The following DPYD variants were observed in gnomAD, a reference collection of about 807,000 sequenced individuals.
DPYD encodes dihydropyrimidine dehydrogenase.
Under a neutral mutation model 116.2 loss-of-function variants are expected in DPYD, and 109 were observed. The observed-to-expected ratio is 0.94, with a 90% confidence interval of 0.80 to 1.10. The LOEUF (loss-of-function observed/expected upper bound fraction) is 1.10. DPYD is among the 50% of genes least tolerant of loss of function. The probability of loss-of-function intolerance (pLI) is 0.00; values close to 1 mark genes in which losing one functional copy is unlikely to be tolerated. For missense variants in DPYD, 1,302 were observed against 1,254.5 expected, an observed-to-expected ratio of 1.04 and a Z score of -0.57; for synonymous variants, 440 against 432.0, an observed-to-expected ratio of 1.02 and a Z score of -0.23.
intron 5 of DPYD, among the ~76,000 whole-genome samples, chr1:97,715,626 T>A (rs1662572191): frequency 1.3e-5 from 2 of 152,142 alleles, no homozygotes; most frequent in East Asian, 1.9e-4. Context: ...GACTGATTAT[T>A]AATAATGTCC....
chr1:97,613,346 T>A (rs557400274), intron 8 of DPYD, among the ~76,000 whole-genome samples: 1 of 152,152 alleles, frequency 6.6e-6, no homozygotes, highest in South Asian at 2.1e-4. Context: ...TTGTTCAGTG[T>A]GCTCATAAAA....
At chr1:97,677,759 A>G (rs1000357459) in intron 8 of DPYD, among the ~76,000 whole-genome samples, 1 of 152,098 alleles carries the variant, frequency 6.6e-6, no homozygotes, top group Non-Finnish European at 1.5e-5. Context: ...GCTTTCCATA[A>G]TTTTTTGCCT....
intron 21 of DPYD, among the ~76,000 whole-genome samples, chr1:97,089,289 G>A (rs1463938534): frequency 1.3e-5 from 2 of 152,106 alleles, no homozygotes; most frequent in African/African-American, 4.8e-5. Flanking sequence ...AAGCATTCGG[G>A]GGACTTTATA....
chr1:97,351,359 GAGA>G (rs1670134286), intron 16 of DPYD, among the ~76,000 whole-genome samples: 1 of 152,100 alleles, frequency 6.6e-6, no homozygotes, highest in South Asian at 2.1e-4. Context: ...AATAAAATGA[GAGA>G]AGATGTTCCC....
At chr1:97,090,263 A>G (rs538926512) in intron 21 of DPYD, among the ~76,000 whole-genome samples, 12 of 152,206 alleles carry the variant, frequency 7.9e-5, no homozygotes, top group East Asian at 1.9e-4. Context: ...TCTTATTTCT[A>G]TGTTTCATGA....
chr1:97,202,671 T>A (rs578130179), intron 19 of DPYD, among the ~76,000 whole-genome samples: 2 of 152,320 alleles, frequency 1.3e-5, no homozygotes, highest in South Asian at 4.1e-4. Flanking sequence ...ACAGTTTCAC[T>A]GAAGATGGCC....
Position 97,488,090 on chromosome 1 carries a change from C to CA in DPYD, c.1740+27635dup, listed in dbSNP as rs149644758. 7.2e-4 allele frequency among the ~76,000 whole-genome samples: 103 copies of CA among 143,610 alleles called. No individual in the cohort carries two copies. In the East Asian group the frequency reaches 7.9e-3, roughly 11 times the overall value. 94.2% of individuals were successfully genotyped at this position (143,610 alleles called of 152,430 possible). ...ATACATAGCATGGAATACAAGTCAG[C>CA]AAAAAAAAAAGGAACTAGCTATTGA... On this transcript the variant is annotated intron_variant, in intron 13 of 22. Coordinates refer to ENST00000370192, the MANE Select transcript of DPYD (RefSeq NM_000110.4).
At chr1:97,601,309 T>G (rs2102278012) in intron 8 of DPYD, among the ~76,000 whole-genome samples, 1 of 152,036 alleles carries the variant, frequency 6.6e-6, no homozygotes, top group East Asian at 1.9e-4. Context: ...CTGTCTTTGG[T>G]AAAATATAAA....
chr1:97,814,148 A>G (rs1209457069), intron 3 of DPYD, among the ~76,000 whole-genome samples: 1 of 151,494 alleles, frequency 6.6e-6, no homozygotes, highest in Non-Finnish European at 1.5e-5. Flanking sequence ...AAGAAGCAGC[A>G]AGGCATGGAA....
chr1:97,785,218 C>T (rs564081740), intron 3 of DPYD, among the ~76,000 whole-genome samples: 2 of 151,998 alleles, frequency 1.3e-5, no homozygotes, highest in African/African-American at 2.4e-5. Context: ...GTCCATTGAA[C>T]GTTTAATAAT....
intron 16 of DPYD, among the ~76,000 whole-genome samples, chr1:97,314,823 T>C (rs560059117): frequency 6.6e-6 from 1 of 151,958 alleles, no homozygotes; most frequent in Non-Finnish European, 1.5e-5. Flanking sequence ...GTTTGAGAGG[T>C]ACCTGCCCAA....
chr1:97,080,204 C>G (rs577417779), intron 22 of DPYD, among the ~76,000 whole-genome samples: 2 of 152,096 alleles, frequency 1.3e-5, no homozygotes, highest in South Asian at 4.1e-4. Flanking sequence ...TTTGAAGTGA[C>G]TAAGTCGGGG....
intron 18 of DPYD, among the ~76,000 whole-genome samples, chr1:97,254,691 A>G (rs897519248): frequency 6.6e-6 from 1 of 152,218 alleles, no homozygotes; most frequent in African/African-American, 2.4e-5. Context: ...TATAAAACCT[A>G]TTATTTAAAA....
intron 13 of DPYD, among the ~76,000 whole-genome samples, chr1:97,501,576 T>C (rs1367756072): frequency 6.6e-6 from 1 of 151,974 alleles, no homozygotes; most frequent in Non-Finnish European, 1.5e-5. Context: ...CCAGGTGTGG[T>C]AGTGCACGCC....
chr1:97,225,820 T>C (rs967997844), intron 19 of DPYD, among the ~76,000 whole-genome samples: 1 of 152,086 alleles, frequency 6.6e-6, no homozygotes, highest in Non-Finnish European at 1.5e-5. Context: ...TTCCCCTGTG[T>C]TTTCTTCCAG....
chr1:97,904,060 C>G (rs910387072), intron 1 of DPYD, among the ~76,000 whole-genome samples: 2 of 151,808 alleles, frequency 1.3e-5, no homozygotes, highest in Admixed American at 1.3e-4. Flanking sequence ...TGTATTTACC[C>G]CAGGGTAATC....
intron 3 of DPYD, among the ~76,000 whole-genome samples, chr1:97,758,638 C>A (rs1464556749): frequency 1.3e-5 from 2 of 152,098 alleles, no homozygotes; most frequent in African/African-American, 4.8e-5. Context: ...AGAATGTTTC[C>A]AGCTTCTCCA....
At chr1:97,664,887 G>A (rs1659476050) in intron 8 of DPYD, among the ~76,000 whole-genome samples, 1 of 151,914 alleles carries the variant, frequency 6.6e-6, no homozygotes, top group Non-Finnish European at 1.5e-5. Flanking sequence ...CATACACAGG[G>A]GAAAAGAGAG....
chr1:97,916,187 CT>C (rs1181240880), intron 1 of DPYD, among the ~76,000 whole-genome samples: 2 of 152,074 alleles, frequency 1.3e-5, no homozygotes, highest in South Asian at 2.1e-4. Flanking sequence ...TAATATTCAT[CT>C]TTTTTTATTA....
Sources: gnomAD v4.1 joint callset for allele counts (sites outside exome capture counted in the v4.1 genomes callset) on GRCh38, gnomAD v4.1.1 for gene constraint, MANE v1.5 for transcripts, NCBI Gene and HGNC (gene_info 2026-07-23, HGNC 2026-07-21) for gene names.